DNAH7: variants seen among roughly 807,000 people sequenced by gnomAD.
DNAH7 encodes the protein dynein axonemal heavy chain 7.
DNAH7 carries 397 observed loss-of-function variants against 444.6 expected under a neutral mutation model. The observed-to-expected ratio is 0.89, with a 90% CI of 0.82 to 0.97. DNAH7 has a LOEUF of 0.97. Among genes scored for constraint, DNAH7 ranks in the 50% least tolerant of loss-of-function variants. The pLI is 0.00. For synonymous variants in DNAH7, 1,636 were observed against 1,624.4 expected (o/e 1.01, Z -0.17); for missense variants, 4,902 against 4,800.8 (o/e 1.02, Z -0.62).
intron 12 of DNAH7, among the ~76,000 whole-genome samples, chr2:196,000,329 T>C (rs965719442): frequency 6.6e-6 from 1 of 151,982 alleles, no homozygotes. Context: ...GAAAAAGGTA[T>C]ATGAGGGGAG....
chr2:195,951,644 G>A (rs1690265073), intron 19 of DNAH7, among the ~76,000 whole-genome samples: 1 of 152,072 alleles, frequency 6.6e-6, no homozygotes, highest in African/African-American at 2.4e-5. Flanking sequence ...TGTATATTTA[G>A]GATAGTTAGC....
intron 1 of DNAH7, among the ~76,000 whole-genome samples, chr2:196,060,082 G>T (rs371072605): frequency 6.6e-6 from 1 of 152,166 alleles, no homozygotes; most frequent in Non-Finnish European, 1.5e-5. Flanking sequence ...GCCGGGTGTG[G>T]TGGCAGGCGC....
At chr2:195,795,041 C>A (rs1189880516) in intron 56 of DNAH7, among the ~76,000 whole-genome samples, 1 of 152,158 alleles carries the variant, frequency 6.6e-6, no homozygotes, top group Non-Finnish European at 1.5e-5. Flanking sequence ...TGAGAACAGT[C>A]TCAGTCTGGA....
intron 21 of DNAH7, among the ~76,000 whole-genome samples, chr2:195,929,845 T>C (rs905652499): frequency 6.6e-6 from 1 of 152,106 alleles, no homozygotes; most frequent in African/African-American, 2.4e-5. Flanking sequence ...TCAAAAGCAA[T>C]TGCAACAAAA....
At chr2:195,947,484 C>T (rs995772225) in intron 19 of DNAH7, among the ~76,000 whole-genome samples, 1 of 152,096 alleles carries the variant, frequency 6.6e-6, no homozygotes, top group Non-Finnish European at 1.5e-5. Context: ...TGACGTTCCC[C>T]TCCCTGTGTC....
chr2:195,994,307 A>T, intron 12 of DNAH7: 1 of 511,210 alleles, frequency 2.0e-6, no homozygotes. Flanking sequence ...CATCAAAGAT[A>T]TCACTGATGC....
chr2:195,844,897 A>AT (rs1360348781), intron 47 of DNAH7, 105 bp downstream of exon 47: 19 of 977,548 alleles, frequency 1.9e-5, no homozygotes, highest in Non-Finnish European at 2.6e-5. Flanking sequence ...TAGTTAAGTA[A>AT]TTTTTTAATA....
Position 195,794,325 on chromosome 2 carries a change from A to T in DNAH7, c.10716+13T>A, listed in dbSNP as rs1696033291. The T allele has an allele frequency of 1.2e-6, 2 of 1,613,754 alleles. No individual in the cohort carries two copies. Among genetic ancestry groups the T allele is most frequent in the Non-Finnish European group, 1.7e-6 (2 of 1,179,826 alleles). On this transcript the variant is annotated intron_variant, in intron 57 of 64. Transcript: ENST00000312428. ...TTACAGGGCCGAGGTAACAAGACTT[A>T]ACCATTACTAACAGGCTTTTTGCAG...
At chr2:195,973,098 T>A (rs1213351472) in intron 15 of DNAH7, among the ~76,000 whole-genome samples, 1 of 152,028 alleles carries the variant, frequency 6.6e-6, no homozygotes, top group African/African-American at 2.4e-5. Context: ...GGAGAGAACA[T>A]GGGCCCAGTG....
chr2:196,047,653 GGT>G (rs1697223382), intron 4 of DNAH7, among the ~76,000 whole-genome samples, 154 bp from the exon 5 acceptor site: 1 of 149,592 alleles, frequency 6.7e-6, no homozygotes, highest in African/African-American at 2.5e-5. Flanking sequence ...ACTATCAGGA[GGT>G]TAAACTACTC....
chr2:195,769,067 T>C (rs532920189), intron 61 of DNAH7, among the ~76,000 whole-genome samples: 1 of 152,268 alleles, frequency 6.6e-6, no homozygotes, highest in Admixed American at 6.5e-5. Context: ...CATGTCAAGT[T>C]AGGTTTTTCA....
chr2:195,982,173 A>G (rs940442449), intron 15 of DNAH7, among the ~76,000 whole-genome samples: 1 of 152,086 alleles, frequency 6.6e-6, no homozygotes, highest in African/African-American at 2.4e-5. Context: ...TGGGCAAATT[A>G]TCTGAATAGA....
At chr2:195,825,271 G>GA (rs11434852) in intron 48 of DNAH7, among the ~76,000 whole-genome samples, 84,285 of 146,424 alleles carry the variant, frequency 0.58, 24,851 homozygotes, top group Non-Finnish European at 0.68. Flanking sequence ...CATAAATAAG[G>GA]AAAAAAAAAA....
intron 24 of DNAH7, among the ~76,000 whole-genome samples, chr2:195,915,595 G>C (rs1687627216): frequency 6.6e-6 from 1 of 152,090 alleles, no homozygotes. Flanking sequence ...GACTATATCA[G>C]CCATATGAAG....
intron 19 of DNAH7, among the ~76,000 whole-genome samples, chr2:195,937,701 C>T (rs1334997150): frequency 6.6e-6 from 1 of 151,472 alleles, no homozygotes. Flanking sequence ...ACTTTTTTTT[C>T]TTTAACACAT....
At chr2:196,006,744 T>C (rs1235010321) in intron 10 of DNAH7, among the ~76,000 whole-genome samples, 2 of 152,116 alleles carry the variant, frequency 1.3e-5, no homozygotes, top group East Asian at 3.9e-4. Context: ...GTTGTATTTC[T>C]ACACACTAGC....
In DNAH7 at chr2:195,900,440, T is replaced by C; in HGVS notation, c.4390A>G (p.Ile1464Val). 6.2e-7 allele frequency: 1 copy of C among 1,614,032 alleles called. No individual in the cohort carries two copies. Among genetic ancestry groups the C allele is most frequent in the Non-Finnish European group, 8.5e-7 (1 of 1,179,904 alleles). Residue 1464 changes from isoleucine to valine, a missense_variant, in exon 28 of 65, where the codon ATA becomes GTA. By Grantham distance (29) the Ile-to-Val change is conservative. Transcript: ENST00000312428. ...MVPDYAMIAE[I>V]VLYSCGFVTA... ...ACAAACCCACAGGAGTATAGGACTA[T>C]TTCAGCAATCATGGCATAGTCAGGT...
rs1273810784 is a variant in DNAH7, at chr2:195,960,488, A to G, written c.2663T>C (p.Phe888Ser). Reference protein sequence around the residue: ...DMNLEPYIDRFEGISEAASKE... With the variant: ...DMNLEPYIDRSEGISEAASKE... ...GCTAGCTGCTTCACTAATACCTTCA[A>G]ATCGGTCTATATATGGTTCCAGATT... Residue 888 changes from phenylalanine to serine, a missense_variant, in exon 18 of 65, where the codon TTT becomes TCT. By Grantham distance (155) the Phe-to-Ser change is radical (BLOSUM62 -2). Coordinates refer to ENST00000312428, the MANE Select transcript of DNAH7 (RefSeq NM_018897.3). 6.2e-7 allele frequency: 1 copy of G among 1,614,000 alleles called. No individual in the cohort carries two copies. The highest frequency in any genetic ancestry group is 8.5e-7 in the Non-Finnish European group (1 of 1,180,030).
chr2:195,743,292 C>T (rs529501206), intron 63 of DNAH7, among the ~76,000 whole-genome samples: 10 of 152,308 alleles, frequency 6.6e-5, no homozygotes, highest in East Asian at 3.9e-4. Flanking sequence ...AACTTGCAGA[C>T]GGCTTATCGT....
Sources: gnomAD v4.1 joint callset for allele counts (sites outside exome capture counted in the v4.1 genomes callset) on GRCh38, gnomAD v4.1.1 for gene constraint, MANE v1.5 for transcripts, NCBI Gene and HGNC (gene_info 2026-07-23, HGNC 2026-07-21) for gene names.